LAMA2: variants seen among roughly 807,000 people sequenced by gnomAD.
LAMA2 encodes laminin subunit alpha-2.
LAMA2 carries 269 observed loss-of-function variants against 364.8 expected under a neutral mutation model. The ratio of observed to expected loss-of-function variants is 0.74; its 90% CI spans 0.67 to 0.82. The LOEUF is 0.82. Ranked by LOEUF, LAMA2 falls within the 40% of genes least tolerant of loss-of-function variation. The pLI, the probability that LAMA2 is intolerant of heterozygous loss-of-function variation, is 0.00. For synonymous variants in LAMA2, 1,379 were observed against 1,370.6 expected (o/e 1.01, Z -0.14); for missense variants, 3,807 against 3,873.2 (o/e 0.98, Z 0.45).
intron 4 of LAMA2, among the ~76,000 whole-genome samples, chr6:129,123,121 G>A (rs1776899516): frequency 6.6e-6 from 1 of 151,914 alleles, no homozygotes; most frequent in African/African-American, 2.4e-5. Context: ...TGGCCAACAT[G>A]GTGAAACCCT....
chr6:129,258,252 G>A (rs183549386), intron 14 of LAMA2, among the ~76,000 whole-genome samples: 2 of 152,166 alleles, frequency 1.3e-5, no homozygotes, highest in African/African-American at 4.8e-5. Flanking sequence ...TCTGTTTCTA[G>A]ATATATATCC....
At chr6:129,139,678 G>T (rs1460603990) in intron 4 of LAMA2, among the ~76,000 whole-genome samples, 1 of 151,958 alleles carries the variant, frequency 6.6e-6, no homozygotes, top group Non-Finnish European at 1.5e-5. Flanking sequence ...GATTAGGCTT[G>T]TTTTTGTTAT....
intron 45 of LAMA2, among the ~76,000 whole-genome samples, chr6:129,446,040 A>C (rs748443186): frequency 1.4e-4 from 22 of 152,128 alleles, no homozygotes; most frequent in Non-Finnish European, 1.6e-4. Flanking sequence ...ATCACCACTT[A>C]TTGTTTTAAA....
At chr6:129,182,399 A>G (rs1451665077) in intron 10 of LAMA2, among the ~76,000 whole-genome samples, 1 of 151,684 alleles carries the variant, frequency 6.6e-6, no homozygotes, top group African/African-American at 2.4e-5. Context: ...ATTTACCCCA[A>G]AAAACTCTTA....
chr6:129,353,378 G>A, intron 32 of LAMA2, 21 bp downstream of exon 32: 2 of 1,603,640 alleles, frequency 1.2e-6, no homozygotes, highest in Non-Finnish European at 1.7e-6. Context: ...TAACTTTGCT[G>A]TTAGTTTTGG....
At chr6:129,270,588 CA>C in intron 16 of LAMA2, 35 bp from the exon 17 acceptor site, 2 of 1,611,298 alleles carry the variant, frequency 1.2e-6, no homozygotes, top group Non-Finnish European at 1.7e-6. Flanking sequence ...TCCCTGACAC[CA>C]AAATAATAAA....
At chr6:129,298,773 C>G (rs905971649) in intron 21 of LAMA2, among the ~76,000 whole-genome samples, 2 of 152,084 alleles carry the variant, frequency 1.3e-5, no homozygotes, top group Admixed American at 6.6e-5. Flanking sequence ...TTCTCCAGCA[C>G]TTTAGATATG....
chr6:129,202,425 AC>A (rs2115054808), intron 12 of LAMA2, among the ~76,000 whole-genome samples: 1 of 152,124 alleles, frequency 6.6e-6, no homozygotes, highest in Non-Finnish European at 1.5e-5. Context: ...TAACATCCTT[AC>A]AAAAGAGGTT....
At chr6:129,404,715 C>A (rs1370523000) in intron 40 of LAMA2, among the ~76,000 whole-genome samples, 1 of 152,022 alleles carries the variant, frequency 6.6e-6, no homozygotes, top group Non-Finnish European at 1.5e-5. Context: ...TCACATAGAA[C>A]CTACCAAACA....
chr6:129,177,984 C>G (rs2115016518), intron 10 of LAMA2, 118 bp downstream of exon 10: 3 of 1,065,322 alleles, frequency 2.8e-6, no homozygotes, highest in Non-Finnish European at 4.2e-6. Context: ...TATCCATAAT[C>G]TATTCTACGT....
At chr6:129,310,121 G>T (rs909229514) in intron 22 of LAMA2, among the ~76,000 whole-genome samples, 1 of 151,716 alleles carries the variant, frequency 6.6e-6, no homozygotes, top group South Asian at 2.1e-4. Flanking sequence ...GGATGGTCTC[G>T]ATCTCCTGAC....
chr6:129,302,227 ATGCATGTGTATTTCTCTTGTT>A (rs1184157170), intron 22 of LAMA2, among the ~76,000 whole-genome samples: 8 of 151,998 alleles, frequency 5.3e-5, no homozygotes, highest in African/African-American at 1.9e-4. Context: ...AAGAATTCTG[ATGCATGTGTATTTCTCTTGTT>A]TGCATTTATT....
intron 12 of LAMA2, among the ~76,000 whole-genome samples, chr6:129,246,730 G>A (rs923759229): frequency 6.6e-6 from 1 of 152,106 alleles, no homozygotes; most frequent in Non-Finnish European, 1.5e-5. Flanking sequence ...GAGAGTAAAC[G>A]TTAGGATACT....
At chr6:129,204,489 A>G (rs1562328851) in intron 12 of LAMA2, among the ~76,000 whole-genome samples, 1 of 152,062 alleles carries the variant, frequency 6.6e-6, no homozygotes, top group Non-Finnish European at 1.5e-5. Context: ...AAAAAAAAAA[A>G]AAGGACAATT....
At chr6:129,131,789 A>G (rs1330183189) in intron 4 of LAMA2, among the ~76,000 whole-genome samples, 2 of 152,238 alleles carry the variant, frequency 1.3e-5, no homozygotes, top group Non-Finnish European at 2.9e-5. Context: ...AAAATTAACT[A>G]CAAATCTCCT....
Position 129,328,340 on chromosome 6 carries a change from C to T in LAMA2, c.4239C>T (p.Thr1413=). 1 of 1,614,154 alleles carries T rather than the reference C, an allele frequency of 6.2e-7. No individual in the cohort carries two copies. The highest frequency in any genetic ancestry group is 8.5e-7 in the Non-Finnish European group (1 of 1,180,024). The change falls in exon 29 of 65, where the codon ACC becomes ACT. Residue 1413 remains threonine, a synonymous_variant. Transcript: ENST00000421865. The part of the protein sequence containing the change: ...SQPGGRTPGP[T]LGTCVPCQCN... Reference sequence around the variant, plus strand: ...CAGGTGGCCGCACCCCTGGACCAACCCTGGGCACCTGTGTTCCATGTCAAT... The same window carrying T: ...CAGGTGGCCGCACCCCTGGACCAACTCTGGGCACCTGTGTTCCATGTCAAT...
At chr6:129,415,701 C>G (rs1322839615) in intron 40 of LAMA2, among the ~76,000 whole-genome samples, 1 of 151,958 alleles carries the variant, frequency 6.6e-6, no homozygotes, top group Non-Finnish European at 1.5e-5. Context: ...CAAAAATTAG[C>G]CAGGCATGGT....
intron 40 of LAMA2, among the ~76,000 whole-genome samples, chr6:129,418,823 T>A (rs1780928716): frequency 1.3e-5 from 2 of 152,160 alleles, no homozygotes; most frequent in Admixed American, 1.3e-4. Context: ...ATTCCTATAA[T>A]AAATATAGTT....
intron 7 of LAMA2, among the ~76,000 whole-genome samples, chr6:129,152,515 C>T (rs1046894879): frequency 6.6e-6 from 1 of 152,140 alleles, no homozygotes; most frequent in African/African-American, 2.4e-5. Flanking sequence ...TCATGATCCT[C>T]GTCATTATTA....
Sources: gnomAD v4.1 joint callset for allele counts (sites outside exome capture counted in the v4.1 genomes callset) on GRCh38, gnomAD v4.1.1 for gene constraint, MANE v1.5 for transcripts, NCBI Gene and HGNC (gene_info 2026-07-23, HGNC 2026-07-21) for gene names.